Variants in LRIG1 observed in about 807,000 individuals in gnomAD.
The protein encoded by LRIG1 is leucine-rich repeats and immunoglobulin-like domains protein 1.
LRIG1 carries 48 observed loss-of-function variants against 99.2 expected under a neutral mutation model. The ratio of observed to expected loss-of-function variants is 0.48; its 90% confidence interval spans 0.38 to 0.62. The LOEUF (loss-of-function observed/expected upper bound fraction) is 0.62, where lower values mean the gene tolerates loss of function less well. LRIG1 is among the 20% of genes least tolerant of loss of function. The pLI, the probability that LRIG1 is intolerant of heterozygous loss-of-function variation, is 0.00. For missense variants in LRIG1, 1,646 were observed against 1,434.4 expected (o/e 1.15, Z -2.38); for synonymous variants, 772 against 596.1 (o/e 1.29, Z -4.30).
intron 3 of LRIG1, among the ~76,000 whole-genome samples, chr3:66,437,241 CAG>C (rs1703391645): frequency 6.6e-6 from 1 of 152,210 alleles, no homozygotes; most frequent in Non-Finnish European, 1.5e-5. Flanking sequence ...AACAAGCGAG[CAG>C]AGACTGGGAG....
chr3:66,383,494 C>T, intron 14 of LRIG1, 93 bp from the exon 15 acceptor site: 1 of 1,093,852 alleles, frequency 9.1e-7, no homozygotes. Context: ...TCCAACATAT[C>T]AATGAGATGC....
intron 3 of LRIG1, among the ~76,000 whole-genome samples, chr3:66,418,016 C>G (rs1010490414): frequency 3.9e-5 from 6 of 152,076 alleles, no homozygotes; most frequent in African/African-American, 1.2e-4. Context: ...TGTGGCAAAT[C>G]TGAAGGTAAA....
intron 14 of LRIG1, among the ~76,000 whole-genome samples, chr3:66,383,695 C>T (rs1301294174): frequency 6.6e-6 from 1 of 151,966 alleles, no homozygotes; most frequent in East Asian, 1.9e-4. Context: ...CCATCCTGTC[C>T]AATTCTTAAA....
At chr3:66,396,859 C>A (rs981658470) in intron 11 of LRIG1, among the ~76,000 whole-genome samples, 1 of 152,220 alleles carries the variant, frequency 6.6e-6, no homozygotes, top group East Asian at 1.9e-4. Flanking sequence ...TGTTTCATTC[C>A]ACTTGCTTTA....
At chr3:66,385,953 T>C in intron 13 of LRIG1, 28 bp downstream of exon 13, 1 of 1,591,192 alleles carries the variant, frequency 6.3e-7, no homozygotes, top group Non-Finnish European at 8.6e-7. Flanking sequence ...AGGATTCTGG[T>C]ACTATAACAA....
chr3:66,500,287 AGGGCGCCCGCGGGCCGGCCGCGGC>A lies in LRIG1; in HGVS notation c.97_120del (p.Ala33_Pro40del). ...CCAGCGCAAGTGCAGGCGGCCGCGCAGGGCGCCCGCGGGCCGGCCGCGGCGGTCACCGGCTCCAGCCGAAGCAAA... is the reference window on the plus strand; with the variant it reads ...CCAGCGCAAGTGCAGGCGGCCGCGCAGGTCACCGGCTCCAGCCGAAGCAAA... On this transcript the variant is annotated inframe_deletion, in exon 1 of 19. Coordinates refer to ENST00000273261, the MANE Select transcript of LRIG1 (RefSeq NM_015541.3). The A allele has an allele frequency of 1.4e-6, 2 of 1,478,932 alleles. No homozygotes were observed. Among genetic ancestry groups the A allele is most frequent in the Non-Finnish European group, 1.8e-6 (2 of 1,120,942 alleles). The allele number at this position is 1,478,932 out of a possible 1,614,324, so 91.6% of individuals were successfully genotyped here.
intron 2 of LRIG1, among the ~76,000 whole-genome samples, chr3:66,457,736 G>A (rs1350389848): frequency 6.6e-6 from 1 of 152,184 alleles, no homozygotes; most frequent in African/African-American, 2.4e-5. Flanking sequence ...AATCAAACGT[G>A]AGTCTATTTG....
rs77066825 is a variant in LRIG1, at chr3:66,396,074, C to A, written c.1305-1871G>T. On this transcript the variant is annotated intron_variant, in intron 11 of 18. Coordinates refer to ENST00000273261, the MANE Select transcript of LRIG1 (RefSeq NM_015541.3). The stretch of plus-strand genomic sequence containing the variant: ...ACATGTAGAAAGGGCTAAGCCTCAT[C>A]CTACACACGCCCTGGACGTGTGGGG... Among the ~76,000 whole-genome samples the A allele has an allele frequency of 6.4e-3, 973 of 152,364 alleles. 11 individuals are homozygous for A. Among genetic ancestry groups the A allele is most frequent in the African/African-American group, 0.021 (888 of 41,592 alleles).
Position 66,383,008 on chromosome 3 carries a change from C to G in LRIG1, c.2465G>C (p.Ser822Thr). Residue 822 changes from serine to threonine, a missense_variant, in exon 15 of 19, where the codon AGT becomes ACT. Coordinates refer to ENST00000273261, the MANE Select transcript of LRIG1 (RefSeq NM_015541.3). The part of the protein sequence containing the change: ...VCIIYQTRKK[S>T]EEYSVTNTDE... ...TGTGTTGGTGACACTGTACTCTTCA[C>G]TCTTCTTCCTGGTCTGGTAGATGAT... 1 of 1,613,752 alleles carries G rather than the reference C, an allele frequency of 6.2e-7. No homozygotes were observed. The highest frequency in any genetic ancestry group is 8.5e-7 in the Non-Finnish European group (1 of 1,179,784).
At chr3:66,489,803 C>CCT (rs1701061404) in intron 1 of LRIG1, among the ~76,000 whole-genome samples, 2 of 152,086 alleles carry the variant, frequency 1.3e-5, no homozygotes, top group African/African-American at 4.8e-5. Flanking sequence ...TGAGGCCCAG[C>CCT]CATGAGCTAG....
At chr3:66,433,569 C>T (rs933587109) in intron 3 of LRIG1, among the ~76,000 whole-genome samples, 1 of 152,238 alleles carries the variant, frequency 6.6e-6, no homozygotes, top group Non-Finnish European at 1.5e-5. Context: ...ACTGATGTGC[C>T]TTTAAAAATA....
intron 1 of LRIG1, among the ~76,000 whole-genome samples, chr3:66,472,174 G>A (rs575088841): frequency 1.3e-5 from 2 of 151,884 alleles, no homozygotes; most frequent in South Asian, 2.1e-4. Flanking sequence ...CGTGGTGGTG[G>A]GCGCCTGTAG....
chr3:66,404,295 G>T, intron 9 of LRIG1: 1 of 1,289,220 alleles, frequency 7.8e-7, no homozygotes, highest in Non-Finnish European at 1.0e-6. Flanking sequence ...CTTGACACTC[G>T]CACTCTGCTG....
intron 3 of LRIG1, among the ~76,000 whole-genome samples, chr3:66,449,671 T>C (rs926215703): frequency 6.6e-6 from 1 of 152,126 alleles, no homozygotes; most frequent in East Asian, 1.9e-4. Context: ...CCCGAGTGCA[T>C]GGGGTTAAAG....
chr3:66,392,160 T>C (rs140845888), intron 12 of LRIG1, among the ~76,000 whole-genome samples: 207 of 152,368 alleles, frequency 1.4e-3, no homozygotes, highest in East Asian at 8.9e-3. Context: ...GAATATTCCA[T>C]TGTATGGCTA....
At chr3:66,489,457 G>A (rs1296707563) in intron 1 of LRIG1, among the ~76,000 whole-genome samples, 3 of 152,044 alleles carry the variant, frequency 2.0e-5, no homozygotes, top group Non-Finnish European at 2.9e-5. Flanking sequence ...GGGAGGTCAC[G>A]GCTATAGTGA....
chr3:66,454,230 C>T (rs1703997273), intron 2 of LRIG1, among the ~76,000 whole-genome samples: 3 of 152,190 alleles, frequency 2.0e-5, no homozygotes, highest in African/African-American at 7.2e-5. Context: ...TCCACCACTG[C>T]TGGCTCCCTT....
chr3:66,458,562 C>T (rs760609912), intron 2 of LRIG1, among the ~76,000 whole-genome samples: 2 of 151,848 alleles, frequency 1.3e-5, no homozygotes, highest in Non-Finnish European at 2.9e-5. Context: ...ATTAGCTGGG[C>T]GTGGTGGTGC....
intron 1 of LRIG1, among the ~76,000 whole-genome samples, chr3:66,474,257 C>A (rs886783753): frequency 6.6e-6 from 1 of 152,104 alleles, no homozygotes; most frequent in Non-Finnish European, 1.5e-5. Context: ...AATGACTAGG[C>A]CACAACACAC....
Sources: gnomAD v4.1 joint callset for allele counts (sites outside exome capture counted in the v4.1 genomes callset) on GRCh38, gnomAD v4.1.1 for gene constraint, MANE v1.5 for transcripts, NCBI Gene and HGNC (gene_info 2026-07-23, HGNC 2026-07-21) for gene names.